Variants in FTCDNL1 observed in about 807,000 individuals in gnomAD.
The protein encoded by FTCDNL1 is formiminotransferase N-terminal subdomain-containing protein.
Under a neutral mutation model 5.9 loss-of-function variants are expected in FTCDNL1, and 11 were observed. The ratio of observed to expected loss-of-function variants is 1.87; its 90% CI spans 1.18 to 3.10. The LOEUF (loss-of-function observed/expected upper bound fraction) is 3.10, where lower values mean the gene tolerates loss of function less well. Among genes scored for constraint, FTCDNL1 ranks in the 30% most tolerant of loss-of-function variants. The probability of loss-of-function intolerance (pLI) is 0.00; values close to 1 mark genes in which losing one functional copy is unlikely to be tolerated. For missense variants in FTCDNL1, 115 were observed against 65.5 expected (o/e 1.76, Z -2.61); for synonymous variants, 58 against 24.8 (o/e 2.34, Z -3.99).
chr2:199,745,586 A>G, the FTCDNL1 span, among the ~76,000 whole-genome samples: 2 of 152,248 alleles, frequency 1.3e-5, no homozygotes, highest in South Asian at 2.1e-4. Context: ...TAGGATTTCT[A>G]AAATCTGGAG....
At chr2:199,683,013 A>G in the FTCDNL1 span, among the ~76,000 whole-genome samples, 1 of 152,212 alleles carries the variant, frequency 6.6e-6, no homozygotes, top group Admixed American at 6.5e-5. Flanking sequence ...ACCCCATTCT[A>G]TAATTGTGAG....
the FTCDNL1 span, among the ~76,000 whole-genome samples, chr2:199,676,341 T>C: frequency 6.6e-6 from 1 of 152,098 alleles, no homozygotes; most frequent in Non-Finnish European, 1.5e-5. Context: ...TCCTATTGAG[T>C]TCTCAATAAA....
the FTCDNL1 span, among the ~76,000 whole-genome samples, chr2:199,718,053 A>G: frequency 6.6e-6 from 1 of 151,322 alleles, no homozygotes; most frequent in Admixed American, 6.6e-5. Flanking sequence ...AAATGTTTCC[A>G]ATGAGTTTTA....
chr2:199,837,199 C>T (rs1174875876), intron 3 of FTCDNL1, among the ~76,000 whole-genome samples: 2 of 152,176 alleles, frequency 1.3e-5, no homozygotes, highest in Non-Finnish European at 2.9e-5. Flanking sequence ...GGTAACTCTC[C>T]TTCATAGTTA....
intron 3 of FTCDNL1, among the ~76,000 whole-genome samples, chr2:199,791,919 A>G (rs1271862090): frequency 1.3e-5 from 2 of 152,096 alleles, no homozygotes; most frequent in Non-Finnish European, 2.9e-5. Context: ...ATATAGTATC[A>G]CCTTTTATAA....
At chr2:199,763,064 C>T (rs1698346322) in intron 3 of FTCDNL1, among the ~76,000 whole-genome samples, 1 of 152,208 alleles carries the variant, frequency 6.6e-6, no homozygotes, top group South Asian at 2.1e-4. Context: ...AGAGACATTT[C>T]TCAATACATC....
At chr2:199,844,423 A>G in intron 3 of FTCDNL1, 1 of 645,714 alleles carries the variant, frequency 1.5e-6, no homozygotes, top group Non-Finnish European at 2.8e-6. Context: ...CACCAGAGAG[A>G]GGGTAAATCG....
At chr2:199,678,083 C>T in the FTCDNL1 span, among the ~76,000 whole-genome samples, 3 of 151,936 alleles carry the variant, frequency 2.0e-5, no homozygotes, top group Admixed American at 1.3e-4. Flanking sequence ...AGAAATATGT[C>T]GAAAGACAAA....
At chr2:199,835,482 C>T (rs950389614) in intron 3 of FTCDNL1, among the ~76,000 whole-genome samples, 17 of 152,038 alleles carry the variant, frequency 1.1e-4, no homozygotes, top group East Asian at 1.9e-4. Flanking sequence ...GTGAGTCTCC[C>T]GAGAAGCACA....
chr2:199,798,384 G>C (rs1264945715), intron 3 of FTCDNL1, among the ~76,000 whole-genome samples: 1 of 152,144 alleles, frequency 6.6e-6, no homozygotes, highest in South Asian at 2.1e-4. Flanking sequence ...GCAAACAAAA[G>C]TTATAATAAA....
At chr2:199,829,697 C>A (rs1559230381) in intron 3 of FTCDNL1, among the ~76,000 whole-genome samples, 1 of 152,128 alleles carries the variant, frequency 6.6e-6, no homozygotes, top group African/African-American at 2.4e-5. Context: ...GCTTTTCTTT[C>A]TTTCAGGAGC....
At chr2:199,736,379 A>C in the FTCDNL1 span, among the ~76,000 whole-genome samples, 1 of 152,052 alleles carries the variant, frequency 6.6e-6, no homozygotes, top group Non-Finnish European at 1.5e-5. Context: ...ACCAGTTTGC[A>C]CTCTGGCCTC....
the FTCDNL1 span, among the ~76,000 whole-genome samples, chr2:199,700,306 C>G: frequency 2.0e-5 from 3 of 152,054 alleles, no homozygotes; most frequent in Admixed American, 2.0e-4. Context: ...TACAATGCTA[C>G]AAAAAGAATA....
chr2:199,720,000 T>C, the FTCDNL1 span, among the ~76,000 whole-genome samples: 2 of 152,200 alleles, frequency 1.3e-5, no homozygotes, highest in African/African-American at 4.8e-5. Context: ...CTTATTTTTA[T>C]GTATTTCATT....
the FTCDNL1 span, among the ~76,000 whole-genome samples, chr2:199,701,927 C>A: frequency 1.3e-5 from 2 of 152,106 alleles, no homozygotes; most frequent in South Asian, 4.2e-4. Flanking sequence ...CCCAGCTACT[C>A]AGGAGGCTGA....
chr2:199,686,878 C>T, the FTCDNL1 span, among the ~76,000 whole-genome samples: 191 of 152,240 alleles, frequency 1.3e-3, 1 homozygote, highest in African/African-American at 4.4e-3. Flanking sequence ...ATTTGGAATT[C>T]TAAATTTGGA....
At chr2:199,722,360 C>A in the FTCDNL1 span, among the ~76,000 whole-genome samples, 2 of 152,156 alleles carry the variant, frequency 1.3e-5, no homozygotes, top group Admixed American at 6.5e-5. Flanking sequence ...GCCAGTTCTC[C>A]CAGCACCATT....
intron 3 of FTCDNL1, among the ~76,000 whole-genome samples, chr2:199,825,268 A>G (rs1052555344): frequency 1.3e-5 from 2 of 152,224 alleles, no homozygotes; most frequent in African/African-American, 4.8e-5. Context: ...CATGGCACCA[A>G]TGGACTCACT....
the FTCDNL1 span, among the ~76,000 whole-genome samples, chr2:199,703,469 T>C: frequency 1.3e-5 from 2 of 152,324 alleles, no homozygotes; most frequent in Admixed American, 1.3e-4. Flanking sequence ...AATCGCATTT[T>C]AGATATATTT....
Sources: allele counts gnomAD v4.1 joint callset (sites outside exome capture counted in the v4.1 genomes callset), GRCh38; gene constraint gnomAD v4.1.1; transcripts MANE v1.5; gene names NCBI Gene and HGNC (gene_info 2026-07-23, HGNC 2026-07-21).